RIPOR3: variants seen among roughly 807,000 people sequenced by gnomAD.
The protein encoded by RIPOR3 is RIPOR family member 3, also known as family with sequence similarity 65 member C.
RIPOR3 carries 95 observed loss-of-function variants against 114.3 expected under a neutral mutation model. The observed-to-expected ratio is 0.83, with a 90% confidence interval of 0.70 to 0.99. The LOEUF is 0.99. Ranked by LOEUF, RIPOR3 falls within the 50% of genes least tolerant of loss-of-function variation. The pLI is 0.00. For synonymous variants in RIPOR3, 575 were observed against 543.8 expected (o/e 1.06, Z -0.80); for missense variants, 1,252 against 1,266.9 (o/e 0.99, Z 0.18).
chr20:50,687,847 G>A (rs1200913961), intron 1 of RIPOR3, among the ~76,000 whole-genome samples: 1 of 151,244 alleles, frequency 6.6e-6, no homozygotes, highest in Non-Finnish European at 1.5e-5. Context: ...AAGTTGCAGT[G>A]AGCCATGATT....
In RIPOR3 at chr20:50,620,032, G is replaced by T. The variant is rs1188485323; in HGVS notation, c.223C>A (p.Pro75Thr). The T allele has an allele frequency of 1.9e-6, 3 of 1,613,752 alleles. No individual in the cohort carries two copies. Among genetic ancestry groups the T allele is most frequent in the South Asian group, 1.1e-5 (1 of 91,064 alleles). ...TCGAAGATCTTCTTCACCTGCTGGGGCTTCGGGTCTGCACAGACCGACCCC... is the reference window on the plus strand; with the variant it reads ...TCGAAGATCTTCTTCACCTGCTGGGTCTTCGGGTCTGCACAGACCGACCCC... ...RKGSVCADPKPQQVKKIFEAL... is the reference protein window; with the variant it reads ...RKGSVCADPKTQQVKKIFEAL... Residue 75 changes from proline (P) to threonine (T), a missense_variant, in exon 3 of 22, where the codon CCC (proline) becomes ACC (threonine). Transcript: ENST00000327979.
chr20:50,591,081 A>G (rs902677870), intron 19 of RIPOR3, among the ~76,000 whole-genome samples: 9 of 152,146 alleles, frequency 5.9e-5, no homozygotes, highest in African/African-American at 1.7e-4. Flanking sequence ...TCAACCTGGG[A>G]TCGATCAAAT....
chr20:50,657,527 G>GA (rs995070968), intron 1 of RIPOR3, among the ~76,000 whole-genome samples: 3 of 150,056 alleles, frequency 2.0e-5, no homozygotes, highest in Non-Finnish European at 3.0e-5. Context: ...ACTCTTCTCA[G>GA]AAAAAAAAAG....
chr20:50,595,005 A>G (rs1231529463), intron 16 of RIPOR3: 14 of 498,984 alleles, frequency 2.8e-5, no homozygotes, highest in Middle Eastern at 1.0e-3. Context: ...CACGGGGCAG[A>G]GGCACAGCTG....
In RIPOR3 at chr20:50,602,096, G is replaced by A. The variant is rs2083516713; in HGVS notation, c.1635C>T (p.Val545=). The A allele has an allele frequency of 8.8e-6, 14 of 1,589,788 alleles. No individual in the cohort carries two copies. The highest frequency in any genetic ancestry group is 1.2e-5 in the Non-Finnish European group (14 of 1,167,732). The change falls in exon 13 of 22, where the codon GTC becomes GTT. Residue 545 remains valine (V), a synonymous_variant. Transcript: ENST00000327979. The surrounding 1 kb of genome is among the most constrained non-coding windows in gnomAD (Gnocchi z 4.3). ...QPQLRELEYQ[V]LGFRDRLKPC... ...CCTTCAGCCGGTCCCGGAAGCCGAG[G>A]ACCTGGTACTCCAGCTCCCGGAGCT...
chr20:50,595,486 A>G lies in RIPOR3; in HGVS notation c.1933T>C (p.Leu645=). The change falls in exon 16 of 22, where the codon TTA becomes CTA. Residue 645 remains leucine, a synonymous_variant. Transcript: ENST00000327979. ...AGGCATTCCTGGACCAGCCTTGATA[A>G]ATTAGGGGAGGCCAGTTTCTGGGAA... is the stretch of plus-strand genomic sequence containing the variant. ...ALLQKLASPN[L]SRLVQECLLE... The G allele has an allele frequency of 6.2e-7, 1 of 1,613,948 alleles. No individual in the cohort carries two copies. The highest frequency in any genetic ancestry group is 8.5e-7 in the Non-Finnish European group (1 of 1,179,952).
At chr20:50,599,387 G>C (rs552004190) in intron 13 of RIPOR3, among the ~76,000 whole-genome samples, 1 of 150,080 alleles carries the variant, frequency 6.7e-6, no homozygotes, top group South Asian at 2.1e-4. Context: ...GTGAGACTCC[G>C]TCTCCAAAAA....
chr20:50,609,331 A>T lies in RIPOR3; in HGVS notation c.602T>A (p.Leu201Gln), dbSNP rs2083858098. The change falls in exon 8 of 22, where the codon CTG (leucine) becomes CAG (glutamine). Residue 201 changes from leucine (L) to glutamine (Q), a missense_variant. Physicochemically the swap from Leu to Gln is moderately radical, Grantham distance 113. Coordinates refer to ENST00000327979, the MANE Select transcript of RIPOR3 (RefSeq NM_001290268.2). ...AEDMWLIEGALEVHLGEFHIR... is the reference protein window; with the variant it reads ...AEDMWLIEGAQEVHLGEFHIR... ...GTGGAACTCGCCCAGGTGAACCTCC[A>T]GGGCCCCCTCGATGAGCCACATGTC... 1 of 1,613,750 alleles carries T rather than the reference A, an allele frequency of 6.2e-7. No individual in the cohort carries two copies. Among genetic ancestry groups the T allele is most frequent in the South Asian group, 1.1e-5 (1 of 91,056 alleles).
intron 21 of RIPOR3, 51 bp downstream of exon 21, chr20:50,587,751 C>G: frequency 6.3e-7 from 1 of 1,584,024 alleles, no homozygotes; most frequent in Non-Finnish European, 8.7e-7. Context: ...CTCGCAGATT[C>G]TAAGGGCCCC....
At position 50,602,909 on chromosome 20, in the gene RIPOR3, T is replaced by G. The variant is rs891705285; in HGVS notation, c.1087-265A>C. 6.6e-6 allele frequency among the ~76,000 whole-genome samples: 1 copy of G among 152,186 alleles called. No homozygotes were observed. Among genetic ancestry groups the G allele is most frequent in the African/African-American group, 2.4e-5 (1 of 41,466 alleles). On this transcript the variant is annotated intron_variant, in intron 12 of 21. Transcript: ENST00000327979. This position sits in a 1 kb window ranked among gnomAD's most constrained non-coding sequence, Gnocchi z 4.3. Reference sequence around the variant, plus strand: ...CATGCCCTGTGGGCTGGGCCCCACGTTCCTGCCTCAGGGCCTTTGCACTGA... The same window carrying G: ...CATGCCCTGTGGGCTGGGCCCCACGGTCCTGCCTCAGGGCCTTTGCACTGA...
In RIPOR3 at chr20:50,608,475, G is replaced by A. The variant is rs140352795; in HGVS notation, c.870C>T (p.Ala290=). 2.0e-4 allele frequency: 328 copies of A among 1,613,950 alleles called. No homozygotes were observed. The African/African-American group carries it at 3.6e-3, about 18-fold the overall frequency. Reference sequence around the variant, plus strand: ...CCTGCGGCCGCGTCGTGAAGAAGTCGGCGATGTCACACGTCACTGCACCCA... The same window carrying A: ...CCTGCGGCCGCGTCGTGAAGAAGTCAGCGATGTCACACGTCACTGCACCCA... The part of the protein sequence containing the change: ...LAVGAVTCDI[A]DFFTTRPQVI... Residue 290 remains alanine (A), a synonymous_variant, in exon 11 of 22, where the codon GCC becomes GCT. Coordinates refer to ENST00000327979, the MANE Select transcript of RIPOR3 (RefSeq NM_001290268.2).
At chr20:50,620,868 C>A in intron 2 of RIPOR3, 1 of 719,986 alleles carries the variant, frequency 1.4e-6, no homozygotes, top group Non-Finnish European at 2.5e-6. Flanking sequence ...ACCAAATACA[C>A]TGAGTTTGTG....
At position 50,594,686 on chromosome 20, in the gene RIPOR3, C is replaced by T; in HGVS notation, c.2079G>A (p.Gly693=). 2 of 1,612,440 alleles carry T rather than the reference C, an allele frequency of 1.2e-6. No homozygotes were observed. The highest frequency in any genetic ancestry group is 1.7e-6 in the Non-Finnish European group (2 of 1,178,872). ...TGCACCCTCTCCACAGCTTCAGGCA[C>T]CCCTTCGTCCGCGAGGCCTGTGGGA... is the stretch of plus-strand genomic sequence containing the variant. ...EIIPQASRTK[G]CLKLWRGCTG... The change falls in exon 17 of 22, where the codon GGG becomes GGA. Residue 693 remains glycine, a synonymous_variant. Transcript: ENST00000327979.
chr20:50,657,329 C>T (rs935887020), intron 1 of RIPOR3, among the ~76,000 whole-genome samples: 3 of 152,186 alleles, frequency 2.0e-5, no homozygotes, highest in African/African-American at 4.8e-5. Context: ...GAGTTCGAGA[C>T]CAGCCTGGCC....
At chr20:50,610,727 C>G in intron 6 of RIPOR3, 126 bp downstream of exon 6, 1 of 1,267,564 alleles carries the variant, frequency 7.9e-7, no homozygotes, top group South Asian at 1.3e-5. Flanking sequence ...CCTCCTGCAG[C>G]TGCCCCATAC....
At chr20:50,683,659 G>C (rs1339426543) in intron 1 of RIPOR3, among the ~76,000 whole-genome samples, 1 of 151,690 alleles carries the variant, frequency 6.6e-6, no homozygotes, top group African/African-American at 2.4e-5. Flanking sequence ...CTCTACTCCT[G>C]TTGGTCAGAC....
chr20:50,663,816 A>G (rs1459002470), intron 1 of RIPOR3, among the ~76,000 whole-genome samples: 1 of 152,088 alleles, frequency 6.6e-6, no homozygotes, highest in Non-Finnish European at 1.5e-5. Flanking sequence ...CAGAAGGAAA[A>G]CACCTCACCT....
At chr20:50,595,552 G>A (rs372119190) in intron 15 of RIPOR3, 48 bp from the exon 16 acceptor site, 66 of 1,599,290 alleles carry the variant, frequency 4.1e-5, no homozygotes, top group Non-Finnish European at 5.0e-5. Flanking sequence ...CATGCCCACC[G>A]AGGTCAGCTG....
At position 50,611,213 on chromosome 20, in the gene RIPOR3, G is replaced by C; in HGVS notation, c.349-9C>G. On this transcript the variant is annotated splice_polypyrimidine_tract_variant and intron_variant, in intron 4 of 21. Transcript: ENST00000327979. ...AGGTCATAATAGAAAGCCTGTGAGG[G>C]AGGAAAGGAGGGCGGAAGAAGCTGT... 2 of 1,614,146 alleles carry C rather than the reference G, an allele frequency of 1.2e-6. No individual in the cohort carries two copies. The highest frequency in any genetic ancestry group is 1.7e-6 in the Non-Finnish European group (2 of 1,180,036).
Sources: allele counts gnomAD v4.1 joint callset (sites outside exome capture counted in the v4.1 genomes callset), GRCh38; gene constraint gnomAD v4.1.1; non-coding constraint Gnocchi (gnomAD v3.1); transcripts MANE v1.5; gene names NCBI Gene and HGNC (gene_info 2026-07-23, HGNC 2026-07-21).